Variants in PHTF1 observed in about 807,000 individuals in gnomAD.
The protein encoded by PHTF1 is protein PHTF1.
PHTF1 carries 88 observed loss-of-function variants against 102.4 expected under a neutral mutation model. The observed-to-expected ratio is 0.86, with a 90% confidence interval of 0.72 to 1.03. The LOEUF (loss-of-function observed/expected upper bound fraction) is 1.03. Ranked by LOEUF, PHTF1 falls within the 50% of genes least tolerant of loss-of-function variation. The pLI is 0.00. For synonymous variants in PHTF1, 289 were observed against 305.2 expected (o/e 0.95, Z 0.55); for missense variants, 814 against 909.5 (o/e 0.89, Z 1.35).
intron 7 of PHTF1, among the ~76,000 whole-genome samples, chr1:113,724,069 A>G (rs1653439355): frequency 6.6e-6 from 1 of 152,232 alleles, no homozygotes; most frequent in Non-Finnish European, 1.5e-5. Context: ...ACAGTGAGAT[A>G]TCATCTCACT....
chr1:113,743,604 T>A (rs558264935), intron 3 of PHTF1, among the ~76,000 whole-genome samples: 1 of 152,356 alleles, frequency 6.6e-6, no homozygotes, highest in Non-Finnish European at 1.5e-5. Flanking sequence ...TATGCTATAC[T>A]TTTTATGACT....
rs60517410 is a variant in PHTF1 at position 113,715,648 on chromosome 1, C to CAAAAAAAAAA, written c.624-2220_624-2211dup. Among the ~76,000 whole-genome samples the CAAAAAAAAAA allele has an allele frequency of 4.2e-3, 104 of 24,974 alleles. 16 individuals carry two copies. The highest frequency in any genetic ancestry group is 7.2e-3 in the East Asian group (2 of 276). The allele number at this position is 24,974 out of a possible 152,430, so 16.4% of individuals were successfully genotyped here. ...GAGCAATGACAGTGAAACCCTGTCT[C>CAAAAAAAAAA]AAAAAAAAAAAAAAAAAAAAAAAAA... On this transcript the variant is annotated intron_variant, in intron 7 of 18. Transcript: ENST00000369604.
intron 7 of PHTF1, chr1:113,715,066 T>C (rs1436977805): frequency 6.6e-6 from 1 of 152,210 alleles, no homozygotes; most frequent in Non-Finnish European, 1.5e-5. Flanking sequence ...GCCACAACAT[T>C]ACTGGGCTTA....
Position 113,699,689 on chromosome 1 carries a change from T to C in PHTF1, c.2142+15A>G, listed in dbSNP as rs759532055. 4 of 1,009,492 alleles carry C rather than the reference T, an allele frequency of 4.0e-6. No homozygotes were observed. In the African/African-American group the frequency reaches 4.8e-5, roughly 12 times the overall value. The allele number at this position is 1,009,492 out of a possible 1,614,324, so 62.5% of individuals were successfully genotyped here. The stretch of plus-strand genomic sequence containing the variant: ...CTCAAATGATAGTAAAAGTGTATCA[T>C]AGCCTATGACTTACTTTCAACAACT... On this transcript the variant is annotated intron_variant, in intron 17 of 18. Transcript: ENST00000369604.
In PHTF1 at chr1:113,704,065, G is replaced by C; in HGVS notation, c.1890+16C>G. 6.5e-7 allele frequency: 1 copy of C among 1,549,796 alleles called. No homozygotes were observed. The highest frequency in any genetic ancestry group is 8.9e-7 in the Non-Finnish European group (1 of 1,121,926). On this transcript the variant is annotated intron_variant, in intron 15 of 18. Coordinates refer to ENST00000369604, the MANE Select transcript of PHTF1 (RefSeq NM_001323043.2). ...AGAATTTTCATTTTTCCTTAAAGCA[G>C]ATGTGAAACTTTTACCTGAGCACAA... is the stretch of plus-strand genomic sequence containing the variant.
At chr1:113,701,035 T>C (rs1649385052) in intron 15 of PHTF1, 86 bp from the exon 16 acceptor site, 1 of 1,018,210 alleles carries the variant, frequency 9.8e-7, no homozygotes. Flanking sequence ...TTTAAGAACA[T>C]TTCCAAAAAT....
At position 113,724,796 on chromosome 1, in the gene PHTF1, T is replaced by C. The variant is rs1177806077; in HGVS notation, c.586A>G (p.Ile196Val). The C allele has an allele frequency of 4.3e-6, 7 of 1,609,724 alleles. No individual in the cohort carries two copies. The Admixed American group carries it at 5.1e-5, about 12-fold the overall frequency. Residue 196 changes from isoleucine to valine, a missense_variant, in exon 7 of 19, where the codon ATT becomes GTT. Coordinates refer to ENST00000369604, the MANE Select transcript of PHTF1 (RefSeq NM_001323043.2). ...RGIETLESVP[I>V]IGGFWETIFG... ...ATAGTCTCCCAAAAACCACCAATAA[T>C]GGGTACAGATTCCAAAGTTTCTATT...
At chr1:113,749,815 T>C (rs1440241397) in intron 3 of PHTF1, among the ~76,000 whole-genome samples, 2 of 152,212 alleles carry the variant, frequency 1.3e-5, no homozygotes, top group Admixed American at 6.5e-5. Context: ...TTAAGAGTTT[T>C]ACTTCTTTCA....
At chr1:113,745,729 C>T (rs539054986) in intron 3 of PHTF1, among the ~76,000 whole-genome samples, 2 of 152,182 alleles carry the variant, frequency 1.3e-5, no homozygotes, top group Non-Finnish European at 2.9e-5. Flanking sequence ...ATCTAGGTTG[C>T]ATGCTCCTTA....
chr1:113,716,448 G>C (rs1418210063), intron 7 of PHTF1, among the ~76,000 whole-genome samples: 2 of 148,464 alleles, frequency 1.3e-5, no homozygotes, highest in African/African-American at 5.0e-5. Context: ...GGGCTCAGGC[G>C]ATCTTCTTGT....
chr1:113,759,146 C>G lies in PHTF1; in HGVS notation c.-154G>C. 2.2e-6 allele frequency: 2 copies of G among 928,190 alleles called. No homozygotes were observed. The highest frequency in any genetic ancestry group is 2.6e-6 in the Non-Finnish European group (2 of 777,096). 57.5% of individuals were successfully genotyped at this position (928,190 alleles called of 1,614,324 possible). A position where few individuals can be genotyped will look rare whatever the true frequency, so the allele number is the denominator to read the frequency against. On this transcript the variant is annotated 5_prime_UTR_variant, in exon 1 of 19. Transcript: ENST00000369604. ...CCGCATCTTCCCCTCCAGGCGGAGA[C>G]GCCGGAGAGGCCGTTACCATGGAGA... is the stretch of plus-strand genomic sequence containing the variant.
At chr1:113,731,901 T>TA (rs1557947013) in intron 5 of PHTF1, among the ~76,000 whole-genome samples, 2 of 144,716 alleles carry the variant, frequency 1.4e-5, no homozygotes, top group Non-Finnish European at 1.5e-5. Context: ...CGTCTCAATT[T>TA]TAAAAAAAAA....
In PHTF1 at chr1:113,710,277, G is replaced by A; in HGVS notation, c.1246C>T (p.Pro416Ser). 1 of 1,613,112 alleles carries A rather than the reference G, an allele frequency of 6.2e-7. No homozygotes were observed. The highest frequency in any genetic ancestry group is 2.2e-5 in the East Asian group (1 of 44,866). Reference sequence around the variant, plus strand: ...ACCTGCTGAAAAACATCCTCTTTGGGGTCACGTTTGGTCCCTGAGTGAAGG... The same window carrying A: ...ACCTGCTGAAAAACATCCTCTTTGGAGTCACGTTTGGTCCCTGAGTGAAGG... ...NTLHSGTKRD[P>S]KEDVFQQNHL... The change falls in exon 11 of 19, where the codon CCC becomes TCC. Residue 416 changes from proline to serine, a missense_variant. Coordinates refer to ENST00000369604, the MANE Select transcript of PHTF1 (RefSeq NM_001323043.2).
intron 15 of PHTF1, among the ~76,000 whole-genome samples, chr1:113,701,292 A>C (rs1649411978): frequency 6.6e-6 from 1 of 152,194 alleles, no homozygotes; most frequent in African/African-American, 2.4e-5. Flanking sequence ...CTTTATGTCA[A>C]GTGAGCTCCC....
chr1:113,701,009 T>G, intron 15 of PHTF1, 60 bp from the exon 16 acceptor site: 1 of 1,216,676 alleles, frequency 8.2e-7, no homozygotes. Flanking sequence ...ATGTAATTAC[T>G]CTTTTACTCT....
Position 113,704,087 on chromosome 1 carries a change from AC to A in PHTF1, c.1883del (p.Cys628LeufsTer12). The part of the protein sequence containing the change: ...LLTLSIAFIC[C>X]AQVLQGHKTF... Reference sequence around the variant, plus strand: ...GCAGATGTGAAACTTTTACCTGAGCACAACAAATGAAAGCAATCGAAAGTGT... The same window carrying A: ...GCAGATGTGAAACTTTTACCTGAGCAAACAAATGAAAGCAATCGAAAGTGT... On this transcript the variant is annotated frameshift_variant, in exon 15 of 19. Transcript: ENST00000369604. LOFTEE classifies it high-confidence loss of function. 9 of 1,607,850 alleles carry A rather than the reference AC, an allele frequency of 5.6e-6. No homozygotes were observed. The highest frequency in any genetic ancestry group is 6.8e-6 in the Non-Finnish European group (8 of 1,174,306).
intron 7 of PHTF1, among the ~76,000 whole-genome samples, chr1:113,718,253 A>C (rs1221587096): frequency 6.6e-6 from 1 of 152,050 alleles, no homozygotes; most frequent in Non-Finnish European, 1.5e-5. Flanking sequence ...ATCTCCTTTG[A>C]CTCCAGGTCT....
intron 7 of PHTF1, among the ~76,000 whole-genome samples, chr1:113,721,564 A>G (rs1232493140): frequency 6.6e-6 from 1 of 152,238 alleles, no homozygotes; most frequent in African/African-American, 2.4e-5. Context: ...GAAGAATTCA[A>G]ATTACCTTTG....
At position 113,698,360 on chromosome 1, in the gene PHTF1, C is replaced by T; in HGVS notation, c.2170G>A (p.Gly724Arg). ...TAGATTAAGGGATTCATTGTCAGTC[C>T]ATAGAGTCTAAATGGTGTGTCCAGC... ...KELDTPFRLY[G>R]LTMNPLIYNI... Residue 724 changes from glycine to arginine, a missense_variant, in exon 18 of 19, where the codon GGA becomes AGA. By Grantham distance (125) the Gly-to-Arg change is moderately radical (BLOSUM62 -2). Coordinates refer to ENST00000369604, the MANE Select transcript of PHTF1 (RefSeq NM_001323043.2). 2 of 1,611,162 alleles carry T rather than the reference C, an allele frequency of 1.2e-6. No individual in the cohort carries two copies. The highest frequency in any genetic ancestry group is 1.1e-5 in the South Asian group (1 of 91,008).
Sources: allele counts gnomAD v4.1 joint callset (sites outside exome capture counted in the v4.1 genomes callset), GRCh38; gene constraint gnomAD v4.1.1; transcripts MANE v1.5; gene names NCBI Gene and HGNC (gene_info 2026-07-23, HGNC 2026-07-21).